SYT16: variants seen among roughly 807,000 people sequenced by gnomAD.
The protein encoded by SYT16 is synaptotagmin-16.
In SYT16, 42 loss-of-function variants were observed where a neutral mutation model predicts 61.4. That is an observed-to-expected ratio of 0.68 (90% CI 0.53 to 0.89). The LOEUF is 0.89. Ranked by LOEUF, SYT16 falls within the 40% of genes least tolerant of loss-of-function variation. The pLI is 0.00. For synonymous variants in SYT16, 314 were observed against 302.3 expected (o/e 1.04, Z -0.40); for missense variants, 804 against 807.3 (o/e 1.00, Z 0.05).
intron 2 of SYT16, among the ~76,000 whole-genome samples, chr14:61,995,122 T>G (rs1181262983): frequency 1.3e-5 from 2 of 152,156 alleles, no homozygotes; most frequent in African/African-American, 4.8e-5. Context: ...GTATAAATAT[T>G]TAGCTCTGGG....
intron 3 of SYT16, among the ~76,000 whole-genome samples, chr14:62,009,644 G>T (rs2053365829): frequency 6.6e-6 from 1 of 152,142 alleles, no homozygotes; most frequent in African/African-American, 2.4e-5. Context: ...GCAGTAAAAA[G>T]ACATTGAAAG....
chr14:62,063,163 A>G (rs900949347), intron 3 of SYT16, among the ~76,000 whole-genome samples: 1 of 152,180 alleles, frequency 6.6e-6, no homozygotes, highest in African/African-American at 2.4e-5. Flanking sequence ...AACCCACACT[A>G]TCAGCTTTAT....
At chr14:62,003,820 G>T (rs757803104) in intron 3 of SYT16, among the ~76,000 whole-genome samples, 9 of 152,164 alleles carry the variant, frequency 5.9e-5, no homozygotes, top group Non-Finnish European at 1.3e-4. Flanking sequence ...TTTGTGAGAA[G>T]TTATAGTTAT....
chr14:61,874,213 T>C (rs1012138319), intron 1 of SYT16, among the ~76,000 whole-genome samples: 2 of 152,210 alleles, frequency 1.3e-5, no homozygotes, highest in Admixed American at 6.5e-5. Context: ...AAGACATTAC[T>C]GTGGAACTCT....
intron 1 of SYT16, among the ~76,000 whole-genome samples, chr14:61,873,399 T>C (rs2047389841): frequency 6.6e-6 from 1 of 152,218 alleles, no homozygotes; most frequent in Non-Finnish European, 1.5e-5. Context: ...TTTGCCTCGC[T>C]TCTCCTTAAC....
At chr14:61,983,719 G>C (rs1263251965) in intron 2 of SYT16, among the ~76,000 whole-genome samples, 3 of 151,932 alleles carry the variant, frequency 2.0e-5, no homozygotes, top group Non-Finnish European at 2.9e-5. Context: ...AGAGATGGGG[G>C]GTCTCACTAT....
chr14:61,838,416 C>A (rs1248651960), intron 1 of SYT16, among the ~76,000 whole-genome samples: 1 of 152,124 alleles, frequency 6.6e-6, no homozygotes. Flanking sequence ...TGTCAGAGGA[C>A]CCTCCCAGCT....
At chr14:61,883,309 G>A (rs2047771988) in intron 1 of SYT16, among the ~76,000 whole-genome samples, 1 of 152,116 alleles carries the variant, frequency 6.6e-6, no homozygotes, top group African/African-American at 2.4e-5. Flanking sequence ...TTTTTCAAAT[G>A]TTTTTGCTCT....
chr14:61,959,920 T>C (rs2051047689), intron 1 of SYT16, among the ~76,000 whole-genome samples: 1 of 152,058 alleles, frequency 6.6e-6, no homozygotes, highest in South Asian at 2.1e-4. Flanking sequence ...AGCCTTGACC[T>C]CCTAGGCTCA....
At chr14:62,036,969 G>A (rs1177916195) in intron 3 of SYT16, among the ~76,000 whole-genome samples, 3 of 152,176 alleles carry the variant, frequency 2.0e-5, no homozygotes, top group Admixed American at 2.0e-4. Context: ...GAGAACAGAG[G>A]AAAATGAGGC....
chr14:62,078,454 T>C (rs2056593092), intron 5 of SYT16, among the ~76,000 whole-genome samples: 1 of 152,152 alleles, frequency 6.6e-6, no homozygotes, highest in Non-Finnish European at 1.5e-5. Context: ...TTAAAATACC[T>C]ACCTCATTGC....
chr14:61,966,021 G>T (rs2051301615), intron 1 of SYT16, among the ~76,000 whole-genome samples: 2 of 151,372 alleles, frequency 1.3e-5, no homozygotes, highest in South Asian at 2.1e-4. Flanking sequence ...TATTTATGGA[G>T]CATTAAGGCT....
At chr14:62,047,914 A>C (rs530336457) in intron 3 of SYT16, among the ~76,000 whole-genome samples, 1 of 152,348 alleles carries the variant, frequency 6.6e-6, no homozygotes, top group Admixed American at 6.5e-5. Context: ...AACGTTCATC[A>C]AGGATATTCG....
chr14:61,974,561 C>G (rs1013676187), intron 2 of SYT16, among the ~76,000 whole-genome samples: 2 of 152,136 alleles, frequency 1.3e-5, no homozygotes, highest in African/African-American at 4.8e-5. Context: ...CTGGAGTCAG[C>G]AGGAGCCAGC....
chr14:61,852,837 A>G (rs530046081), intron 1 of SYT16, among the ~76,000 whole-genome samples: 1 of 152,290 alleles, frequency 6.6e-6, no homozygotes, highest in South Asian at 2.1e-4. Context: ...AAAGAAAGTT[A>G]ATTAGGATTT....
chr14:61,977,462 C>T (rs1375178836), intron 2 of SYT16, among the ~76,000 whole-genome samples: 1 of 152,102 alleles, frequency 6.6e-6, no homozygotes, highest in Non-Finnish European at 1.5e-5. Flanking sequence ...GAGGCAGGCA[C>T]CTTCTTTACA....
rs2057531279 is a variant in SYT16 at position 62,107,312 on chromosome 14, A to C, written c.*6605A>C. On this transcript the variant is annotated 3_prime_UTR_variant, in exon 8 of 8. Coordinates refer to ENST00000683842, the MANE Select transcript of SYT16 (RefSeq NM_001367656.1). The stretch of plus-strand genomic sequence containing the variant: ...GCTGGGTATGGTGGTGTGCGCCTAT[A>C]GTCCCAGCTCCTCAGGAAGCTGAGG... The C allele has an allele frequency of 6.6e-6, 1 of 151,982 alleles. No homozygotes were observed. Among genetic ancestry groups the C allele is most frequent in the African/African-American group, 2.4e-5 (1 of 41,326 alleles). 9.4% of individuals were successfully genotyped at this position (151,982 alleles called of 1,614,324 possible). A position where few individuals can be genotyped will look rare whatever the true frequency, so the allele number is the denominator to read the frequency against.
intron 1 of SYT16, among the ~76,000 whole-genome samples, chr14:61,843,144 T>G (rs944908223): frequency 1.3e-5 from 2 of 152,122 alleles, no homozygotes; most frequent in Non-Finnish European, 2.9e-5. Flanking sequence ...TTTTAGTTTT[T>G]TTTGGAACCT....
chr14:61,906,707 ATCCT>A lies in SYT16; in HGVS notation c.-324-63421_-324-63418del, dbSNP rs200148183. Among the ~76,000 whole-genome samples the A allele has an allele frequency of 9.9e-3, 813 of 81,996 alleles. 4 individuals carry two copies. The highest frequency in any genetic ancestry group is 0.031 in the East Asian group (46 of 1,466). The allele number at this position is 81,996 out of a possible 152,430, so 53.8% of individuals were successfully genotyped here. A position where few individuals can be genotyped will look rare whatever the true frequency, so the allele number is the denominator to read the frequency against. On this transcript the variant is annotated intron_variant, in intron 1 of 7. Transcript: ENST00000683842. ...CTAACTCAAGATGTACCATCCATCC[ATCCT>A]TCCATCCATCCATCCATCCATCCAT...
Sources: allele counts gnomAD v4.1 joint callset (sites outside exome capture counted in the v4.1 genomes callset), GRCh38; gene constraint gnomAD v4.1.1; transcripts MANE v1.5; gene names NCBI Gene and HGNC (gene_info 2026-07-23, HGNC 2026-07-21).